The following ZNF766 variants were observed in gnomAD, a reference collection of about 807,000 sequenced individuals.
ZNF766 encodes zinc finger protein 766.
Under a neutral mutation model 13.2 loss-of-function variants are expected in ZNF766, and 13 were observed. That is an observed-to-expected ratio of 0.98 (90% CI 0.64 to 1.56). The LOEUF is 1.56. ZNF766 is among the 40% of genes most tolerant of loss of function. The probability of loss-of-function intolerance (pLI) is 0.00; values close to 1 mark genes in which losing one functional copy is unlikely to be tolerated. For synonymous variants in ZNF766, 178 were observed against 187.6 expected, an observed-to-expected ratio of 0.95 and a Z score of 0.42; for missense variants, 521 against 552.2, an observed-to-expected ratio of 0.94 and a Z score of 0.57.
chr19:52,293,626 T>G lies in ZNF766; in HGVS notation c.*2428T>G, dbSNP rs960708350. The stretch of plus-strand genomic sequence containing the variant: ...TCTACTCTTTGTTTTTGTTTTTTGT[T>G]TGTTTTGTTTTGTTTTGAGATGGAG... On this transcript the variant is annotated 3_prime_UTR_variant, in exon 4 of 4. Transcript: ENST00000439461. The G allele has an allele frequency of 6.5e-6, 1 of 152,822 alleles. No homozygotes were observed. Among genetic ancestry groups the G allele is most frequent in the Non-Finnish European group, 1.5e-5 (1 of 68,670 alleles). 9.5% of individuals were successfully genotyped at this position (152,822 alleles called of 1,614,324 possible).
At chr19:52,286,308 G>C (rs984541996) in intron 3 of ZNF766, among the ~76,000 whole-genome samples, 6 of 150,520 alleles carry the variant, frequency 4.0e-5, no homozygotes, top group African/African-American at 1.5e-4. Context: ...CTAGTGTGTT[G>C]AGTGTTTTTC....
chr19:52,279,814 G>C, intron 1 of ZNF766, among the ~76,000 whole-genome samples: 1 of 8,128 alleles, frequency 1.2e-4, no homozygotes, highest in East Asian at 3.3e-3. Flanking sequence ...TTTTTTTTTT[G>C]AGACGGAGTC....
Position 52,291,886 on chromosome 19 carries a change from G to T in ZNF766, c.*688G>T. The T allele has an allele frequency of 2.4e-6, 1 of 419,786 alleles. No homozygotes were observed. The highest frequency in any genetic ancestry group is 4.2e-6 in the Non-Finnish European group (1 of 235,578). The allele number at this position is 419,786 out of a possible 1,614,324, so 26.0% of individuals were successfully genotyped here. A position where few individuals can be genotyped will look rare whatever the true frequency, so the allele number is the denominator to read the frequency against. On this transcript the variant is annotated 3_prime_UTR_variant, in exon 4 of 4. Coordinates refer to ENST00000439461, the MANE Select transcript of ZNF766 (RefSeq NM_001010851.3). ...TGCCTGGAGATCAAGATAAGTATGG[G>T]CAACGTAGCAAGGCCCATCCCTACA...
chr19:52,287,973 T>C (rs1359914397), intron 3 of ZNF766: 1 of 424,366 alleles, frequency 2.4e-6, no homozygotes, highest in African/African-American at 2.1e-5. Flanking sequence ...TTTTCTTTGT[T>C]TTCTAACCTT....
In ZNF766 at chr19:52,290,859, A is replaced by G. The variant is rs760360472; in HGVS notation, c.1068A>G (p.Lys356=). Residue 356 remains lysine (K), a synonymous_variant, in exon 4 of 4, where the codon AAA becomes AAG. Coordinates refer to ENST00000439461, the MANE Select transcript of ZNF766 (RefSeq NM_001010851.3). ...LLIHTGEKPY[K]CKECDKAFRH... ...TCCACACTGGAGAGAAACCTTACAA[A>G]TGTAAAGAATGTGACAAAGCTTTTA... 2 of 1,614,172 alleles carry G rather than the reference A, an allele frequency of 1.2e-6. No homozygotes were observed. Among genetic ancestry groups the G allele is most frequent in the South Asian group, 2.2e-5 (2 of 91,082 alleles).
chr19:52,283,897 C>T (rs1025079915), intron 3 of ZNF766, among the ~76,000 whole-genome samples: 2 of 152,128 alleles, frequency 1.3e-5, no homozygotes, highest in African/African-American at 4.8e-5. Flanking sequence ...GCCACCACGC[C>T]CAGCTAATTT....
intron 1 of ZNF766, among the ~76,000 whole-genome samples, chr19:52,273,102 G>A (rs1031861027): frequency 7.2e-5 from 11 of 151,992 alleles, no homozygotes; most frequent in South Asian, 6.2e-4. Context: ...TCTGCCTCCC[G>A]GGTTCAAGCA....
At chr19:52,275,867 G>A (rs1223482887) in intron 1 of ZNF766, among the ~76,000 whole-genome samples, 1 of 152,060 alleles carries the variant, frequency 6.6e-6, no homozygotes, top group African/African-American at 2.4e-5. Flanking sequence ...TTTTAGTAGA[G>A]ACGGGGTTTC....
intron 3 of ZNF766, among the ~76,000 whole-genome samples, chr19:52,283,831 G>A (rs1334116508): frequency 1.3e-5 from 2 of 152,136 alleles, no homozygotes; most frequent in Non-Finnish European, 2.9e-5. Flanking sequence ...TCCGCCTCCC[G>A]GGTACAAGTG....
chr19:52,269,606 G>A lies in ZNF766; in HGVS notation c.-8G>A, dbSNP rs748130518. ...GCCTGCAGACCCGGAAGTGGATGGC[G>A]TGGAGATATGGCGCAACTGCGGCGC... On this transcript the variant is annotated 5_prime_UTR_variant, in exon 1 of 4. It adds an upstream start codon to the 5' untranslated region. Coordinates refer to ENST00000439461, the MANE Select transcript of ZNF766 (RefSeq NM_001010851.3). 1 of 1,612,526 alleles carries A rather than the reference G, an allele frequency of 6.2e-7. No individual in the cohort carries two copies. The highest frequency in any genetic ancestry group is 8.5e-7 in the Non-Finnish European group (1 of 1,179,658).
chr19:52,272,903 T>TC (rs1981036038), intron 1 of ZNF766, among the ~76,000 whole-genome samples: 1 of 152,024 alleles, frequency 6.6e-6, no homozygotes, highest in South Asian at 2.1e-4. Flanking sequence ...CCAAATGCAT[T>TC]CCCCTGCAGT....
At chr19:52,282,501 C>T (rs1314476981) in intron 2 of ZNF766, 9 of 260,156 alleles carry the variant, frequency 3.5e-5, no homozygotes, top group Non-Finnish European at 6.0e-5. Context: ...CCAGGTGTCA[C>T]GGTGCATGCC....
chr19:52,277,140 T>G (rs1031183360), intron 1 of ZNF766: 2 of 1,066,500 alleles, frequency 1.9e-6, no homozygotes, highest in Non-Finnish European at 2.3e-6. Flanking sequence ...AAACAGCATA[T>G]TTTTGACATT....
intron 1 of ZNF766, chr19:52,277,468 CA>C (rs764425927): frequency 6.4e-7 from 1 of 1,555,242 alleles, no homozygotes; most frequent in Non-Finnish European, 8.6e-7. Context: ...CAAAAAAAAA[CA>C]AAAAAAGTCA....
intron 1 of ZNF766, among the ~76,000 whole-genome samples, chr19:52,274,100 T>A (rs1981088846): frequency 6.6e-6 from 1 of 152,214 alleles, no homozygotes; most frequent in South Asian, 2.1e-4. Context: ...CTGAGCAGGA[T>A]GATACAATCT....
At chr19:52,286,796 A>G (rs1198838083) in intron 3 of ZNF766, among the ~76,000 whole-genome samples, 3 of 152,050 alleles carry the variant, frequency 2.0e-5, no homozygotes, top group African/African-American at 7.2e-5. Context: ...CATTTTGTTG[A>G]GGATTTTTGC....
chr19:52,287,430 T>C (rs1172708395), intron 3 of ZNF766, among the ~76,000 whole-genome samples: 3 of 152,140 alleles, frequency 2.0e-5, no homozygotes, highest in African/African-American at 7.2e-5. Context: ...CGTGAGCCAC[T>C]ACGCCCAGCC....
In ZNF766 at chr19:52,294,049, T is replaced by C. The variant is rs1465689220; in HGVS notation, c.*2851T>C. Reference sequence around the variant, plus strand: ...ATAAACATGCACTGTATTATGTTTCTGTGTGCCTTTTTCTTGTGTGCCAAG... The same window carrying C: ...ATAAACATGCACTGTATTATGTTTCCGTGTGCCTTTTTCTTGTGTGCCAAG... On this transcript the variant is annotated 3_prime_UTR_variant, in exon 4 of 4. Transcript: ENST00000439461. 3 of 152,250 alleles carry C rather than the reference T, an allele frequency of 2.0e-5. No individual in the cohort carries two copies. The highest frequency in any genetic ancestry group is 7.2e-5 in the African/African-American group (3 of 41,462). The allele number at this position is 152,250 out of a possible 1,614,324, so 9.4% of individuals were successfully genotyped here.
chr19:52,277,602 T>C (rs1214515548), intron 1 of ZNF766: 6 of 1,513,126 alleles, frequency 4.0e-6, no homozygotes, highest in Non-Finnish European at 5.3e-6. Flanking sequence ...TGCCGGGTGC[T>C]GGAGTTGAGA....
Sources: allele counts gnomAD v4.1 joint callset (sites outside exome capture counted in the v4.1 genomes callset), GRCh38; gene constraint gnomAD v4.1.1; transcripts MANE v1.5; gene names NCBI Gene and HGNC (gene_info 2026-07-23, HGNC 2026-07-21).